Variants in RGS22 observed in about 807,000 individuals in gnomAD.
The protein encoded by RGS22 is regulator of G protein signaling 22.
Under a neutral mutation model 172.9 loss-of-function variants are expected in RGS22, and 148 were observed. That is an observed-to-expected ratio of 0.86 (90% CI 0.75 to 0.98). The LOEUF (loss-of-function observed/expected upper bound fraction) is 0.98, where lower values mean the gene tolerates loss of function less well. Ranked by LOEUF, RGS22 falls within the 50% of genes least tolerant of loss-of-function variation. The pLI is 0.00. For missense variants in RGS22, 1,347 were observed against 1,440.8 expected, an observed-to-expected ratio of 0.93 and a Z score of 1.05; for synonymous variants, 458 against 480.2, an observed-to-expected ratio of 0.95 and a Z score of 0.60.
At chr8:100,040,955 C>T (rs572312660) in intron 12 of RGS22, among the ~76,000 whole-genome samples, 1 of 150,142 alleles carries the variant, frequency 6.7e-6, no homozygotes, top group South Asian at 2.1e-4. Flanking sequence ...GCATTACAAA[C>T]TAAAAAAAAA....
intron 10 of RGS22, among the ~76,000 whole-genome samples, chr8:100,051,712 A>T (rs563899255): frequency 0.025 from 345 of 14,054 alleles, 117 homozygotes; most frequent in African/African-American, 0.19. Context: ...CGTATATATA[A>T]ATATATATTT....
intron 9 of RGS22, among the ~76,000 whole-genome samples, chr8:100,059,870 T>A (rs966037006): frequency 4.6e-5 from 7 of 152,216 alleles, no homozygotes; most frequent in Non-Finnish European, 1.0e-4. Context: ...ATTTCTTTTT[T>A]AATTTTTCTT....
At chr8:100,063,293 C>T (rs1250645057) in intron 8 of RGS22, 123 bp downstream of exon 8, 3 of 614,114 alleles carry the variant, frequency 4.9e-6, no homozygotes, top group African/African-American at 1.9e-5. Flanking sequence ...TCATTCATTC[C>T]TCCAAGAGTA....
At chr8:100,012,905 C>T (rs1287888222) in intron 14 of RGS22, among the ~76,000 whole-genome samples, 2 of 149,626 alleles carry the variant, frequency 1.3e-5, no homozygotes, top group Non-Finnish European at 3.0e-5. Flanking sequence ...TGCTACATAT[C>T]AAATTCTCAT....
intron 4 of RGS22, among the ~76,000 whole-genome samples, chr8:100,074,749 GTTTTTTT>G (rs140533796): frequency 1.4e-3 from 205 of 148,174 alleles, no homozygotes; most frequent in Admixed American, 3.6e-3. Flanking sequence ...TTTCTTTTTT[GTTTTTTT>G]TTTGTTTTTT....
At chr8:100,062,442 T>C in intron 9 of RGS22, 149 bp downstream of exon 9, 1 of 549,266 alleles carries the variant, frequency 1.8e-6, no homozygotes, top group Non-Finnish European at 3.2e-6. Flanking sequence ...CCAAATTATC[T>C]AAAGGACAAG....
chr8:100,071,402 T>A lies in RGS22; in HGVS notation c.561A>T (p.Val187=). ...PPPATEEDNL[V]IMKKFYVSLG... is the part of the protein sequence containing the mutation. ...GTGATACATAGAACTTTTTCATAATTACAAGATTATCTTCTTCAGTGGCAG... is the reference window on the plus strand; with the variant it reads ...GTGATACATAGAACTTTTTCATAATAACAAGATTATCTTCTTCAGTGGCAG... The change falls in exon 6 of 28, where the codon GTA becomes GTT. Residue 187 remains valine, a synonymous_variant. Coordinates refer to ENST00000360863, the MANE Select transcript of RGS22 (RefSeq NM_015668.5). 1 of 1,611,636 alleles carries A rather than the reference T, an allele frequency of 6.2e-7. No homozygotes were observed. Among genetic ancestry groups the A allele is most frequent in the Non-Finnish European group, 8.5e-7 (1 of 1,178,932 alleles).
At chr8:99,999,712 T>C (rs957324885) in intron 18 of RGS22, among the ~76,000 whole-genome samples, 10 of 152,308 alleles carry the variant, frequency 6.6e-5, no homozygotes, top group African/African-American at 2.4e-4. Flanking sequence ...CAATGGCATT[T>C]TTTTCCCTCC....
chr8:100,093,350 G>T lies in RGS22; in HGVS notation c.117+97C>A, dbSNP rs144685708. On this transcript the variant is annotated intron_variant, in intron 3 of 27. Transcript: ENST00000360863. ...AAATGCTTTAATATTTTTTTAAAAA[G>T]CATTATCCCTGATAAATTGGTTTCA... 2.8e-3 allele frequency: 1,875 copies of T among 676,278 alleles called. 10 individuals are homozygous for T. Among genetic ancestry groups the T allele is most frequent in the Non-Finnish European group, 3.0e-3 (1,170 of 386,576 alleles). The allele number at this position is 676,278 out of a possible 1,614,324, so 41.9% of individuals were successfully genotyped here. A position where few individuals can be genotyped will look rare whatever the true frequency, so the allele number is the denominator to read the frequency against.
At chr8:100,069,473 G>A (rs1810786714) in intron 6 of RGS22, among the ~76,000 whole-genome samples, 1 of 152,142 alleles carries the variant, frequency 6.6e-6, no homozygotes, top group South Asian at 2.1e-4. Flanking sequence ...CTCTCCAAAA[G>A]GACATTTGAT....
intron 23 of RGS22, among the ~76,000 whole-genome samples, chr8:99,971,373 C>G (rs1344388318): frequency 1.3e-5 from 2 of 152,024 alleles, no homozygotes; most frequent in African/African-American, 4.8e-5. Context: ...GAAGTTCTGG[C>G]GAGGGCAATC....
intron 7 of RGS22, among the ~76,000 whole-genome samples, chr8:100,065,124 A>T (rs529735982): frequency 6.6e-6 from 1 of 152,204 alleles, no homozygotes; most frequent in Non-Finnish European, 1.5e-5. Flanking sequence ...CCATTTTCTC[A>T]ATTACCAGAG....
At chr8:100,006,248 T>C in intron 15 of RGS22, 139 bp from the exon 16 acceptor site, 1 of 657,938 alleles carries the variant, frequency 1.5e-6, no homozygotes. Flanking sequence ...GTTTAAAAGA[T>C]TAGCTACAGC....
Position 100,105,963 on chromosome 8 carries a change from A to G in RGS22, c.-42T>C, listed in dbSNP as rs936436068. The G allele has an allele frequency of 1.4e-6, 2 of 1,409,292 alleles. No individual in the cohort carries two copies. Among genetic ancestry groups the G allele is most frequent in the African/African-American group, 3.1e-5 (2 of 65,352 alleles). 87.3% of individuals were successfully genotyped at this position (1,409,292 alleles called of 1,614,324 possible). On this transcript the variant is annotated 5_prime_UTR_variant, in exon 1 of 28. Coordinates refer to ENST00000360863, the MANE Select transcript of RGS22 (RefSeq NM_015668.5). ...GCGCCTGGAGCCCGCGCGGGCCGTC[A>G]GGGCCCTAGCGCGCGGGTCCAGCGC... is the stretch of plus-strand genomic sequence containing the variant.
chr8:100,052,267 GTA>G (rs1305702519), intron 10 of RGS22, among the ~76,000 whole-genome samples: 2 of 128,136 alleles, frequency 1.6e-5, no homozygotes, highest in Admixed American at 1.6e-4. Context: ...GTATATAAAT[GTA>G]TATATATATT....
At chr8:100,104,045 C>T (rs555836759) in intron 2 of RGS22, among the ~76,000 whole-genome samples, 4 of 152,264 alleles carry the variant, frequency 2.6e-5, no homozygotes, top group Non-Finnish European at 5.9e-5. Flanking sequence ...GGGCCTGGAA[C>T]AGTGGCTCGG....
At chr8:99,988,892 T>C (rs1813392619) in intron 20 of RGS22, among the ~76,000 whole-genome samples, 1 of 152,180 alleles carries the variant, frequency 6.6e-6, no homozygotes, top group South Asian at 2.1e-4. Context: ...ATATTAAAAT[T>C]ATAGCCCTAC....
At chr8:100,077,629 T>C (rs1375463006) in intron 4 of RGS22, among the ~76,000 whole-genome samples, 1 of 152,234 alleles carries the variant, frequency 6.6e-6, no homozygotes, top group African/African-American at 2.4e-5. Context: ...ATTTATTTTA[T>C]GGCCCAAAAT....
intron 14 of RGS22, among the ~76,000 whole-genome samples, chr8:100,020,865 G>A (rs1817534154): frequency 6.6e-6 from 1 of 152,198 alleles, no homozygotes; most frequent in African/African-American, 2.4e-5. Context: ...CCATGGTCTT[G>A]AGGTGTATCT....
Sources: allele counts gnomAD v4.1 joint callset (sites outside exome capture counted in the v4.1 genomes callset), GRCh38; gene constraint gnomAD v4.1.1; transcripts MANE v1.5; gene names NCBI Gene and HGNC (gene_info 2026-07-23, HGNC 2026-07-21).